INTS4: variants seen among roughly 807,000 people sequenced by gnomAD.
The protein encoded by INTS4 is MSTP093.
Under a neutral mutation model 119.5 loss-of-function variants are expected in INTS4, and 70 were observed. The ratio of observed to expected loss-of-function variants is 0.59; its 90% CI spans 0.48 to 0.71. The LOEUF is 0.71. INTS4 is among the 30% of genes least tolerant of loss of function. The pLI, the probability that INTS4 is intolerant of heterozygous loss-of-function variation, is 0.00. For synonymous variants in INTS4, 316 were observed against 419.6 expected, an observed-to-expected ratio of 0.75 and a Z score of 3.02; for missense variants, 867 against 1,173.2, an observed-to-expected ratio of 0.74 and a Z score of 3.81.
At chr11:77,914,664 CT>C in intron 15 of INTS4, among the ~76,000 whole-genome samples, 1 of 152,254 alleles carries the variant, frequency 6.6e-6, no homozygotes, top group South Asian at 2.1e-4. Context: ...CTACTCAACT[CT>C]GTGATTGTAG....
At position 77,988,314 on chromosome 11, in the gene INTS4, G is replaced by A. The variant is rs776106296; in HGVS notation, c.246+2794C>T. ...CCGTCCAGTGCCCAGAACAAAGTCT[G>A]ATATATATTTGTTGAGTAAAATGTA... On this transcript the variant is annotated intron_variant, in intron 2 of 22. Transcript: ENST00000534064. Among the ~76,000 whole-genome samples the A allele has an allele frequency of 2.6e-5, 4 of 152,286 alleles. No individual in the cohort carries two copies. In the South Asian group the frequency reaches 8.3e-4, roughly 32 times the overall value.
intron 11 of INTS4, among the ~76,000 whole-genome samples, chr11:77,926,712 T>G (rs1157385020): frequency 6.6e-6 from 1 of 150,718 alleles, no homozygotes; most frequent in Non-Finnish European, 1.5e-5. Context: ...CTCGGGAGAC[T>G]GAGGCAGGAG....
chr11:77,960,302 T>C (rs1263001080), intron 6 of INTS4, 39 bp downstream of exon 6: 4 of 1,477,026 alleles, frequency 2.7e-6, no homozygotes, highest in South Asian at 2.4e-5. Context: ...AGCTTCATGA[T>C]ACCTCCAACC....
At chr11:77,981,955 C>T (rs1298331942) in intron 2 of INTS4, among the ~76,000 whole-genome samples, 3 of 151,842 alleles carry the variant, frequency 2.0e-5, no homozygotes, top group Non-Finnish European at 2.9e-5. Flanking sequence ...AAAAAACGTG[C>T]CACTGGCATT....
At chr11:77,926,391 T>A (rs988007029) in intron 11 of INTS4, among the ~76,000 whole-genome samples, 1 of 152,204 alleles carries the variant, frequency 6.6e-6, no homozygotes, top group African/African-American at 2.4e-5. Context: ...TACTCACAAA[T>A]AAGCATACCT....
chr11:77,902,379 T>C (rs1037226301), intron 17 of INTS4, among the ~76,000 whole-genome samples: 3 of 152,226 alleles, frequency 2.0e-5, no homozygotes, highest in Non-Finnish European at 1.5e-5. Flanking sequence ...CCTTCCAATG[T>C]GGCTCAATTA....
At chr11:77,970,005 T>C (rs1855657524) in intron 4 of INTS4, among the ~76,000 whole-genome samples, 1 of 152,218 alleles carries the variant, frequency 6.6e-6, no homozygotes, top group African/African-American at 2.4e-5. Context: ...TTCTTTTTAA[T>C]GGGCAAATAA....
chr11:77,980,867 C>T (rs1856178286), intron 3 of INTS4, among the ~76,000 whole-genome samples: 2 of 152,158 alleles, frequency 1.3e-5, no homozygotes, highest in South Asian at 4.2e-4. Context: ...GTGGCAGGCA[C>T]CTGTAGTCCC....
intron 2 of INTS4, among the ~76,000 whole-genome samples, chr11:77,989,688 G>A (rs1350846451): frequency 1.1e-4 from 16 of 147,950 alleles, no homozygotes; most frequent in African/African-American, 4.0e-4. Context: ...CCAGGAATTC[G>A]AGATCAGCCT....
intron 15 of INTS4, among the ~76,000 whole-genome samples, chr11:77,914,588 T>C (rs1304902634): frequency 6.6e-6 from 1 of 152,072 alleles, no homozygotes. Context: ...GGTCAGCAAA[T>C]TTTTTCTGTA....
intron 21 of INTS4, among the ~76,000 whole-genome samples, chr11:77,890,588 C>A (rs1338873808): frequency 6.6e-6 from 1 of 152,110 alleles, no homozygotes; most frequent in Non-Finnish European, 1.5e-5. Context: ...CTGTGCATGT[C>A]TACTCACCAA....
At chr11:77,927,967 T>G (rs1368005628) in intron 11 of INTS4, among the ~76,000 whole-genome samples, 4 of 152,116 alleles carry the variant, frequency 2.6e-5, no homozygotes, top group Non-Finnish European at 5.9e-5. Flanking sequence ...TTAAAAAAGA[T>G]GCACTTCAGC....
intron 4 of INTS4, among the ~76,000 whole-genome samples, chr11:77,970,484 T>C (rs1369489990): frequency 6.6e-6 from 1 of 152,002 alleles, no homozygotes. Context: ...CTGGGTCCTA[T>C]GGTAAGGCTA....
At chr11:77,943,524 G>A (rs1309510387) in intron 8 of INTS4, among the ~76,000 whole-genome samples, 3 of 152,102 alleles carry the variant, frequency 2.0e-5, no homozygotes, top group South Asian at 2.1e-4. Context: ...CATCATTTAC[G>A]AAAACATAGA....
intron 15 of INTS4, among the ~76,000 whole-genome samples, chr11:77,912,090 G>A (rs1336098695): frequency 7.9e-5 from 12 of 152,064 alleles, no homozygotes; most frequent in South Asian, 2.1e-4. Flanking sequence ...GGCTAGGCGC[G>A]GTGGCTCACA....
chr11:77,948,371 G>A (rs2136545384), intron 8 of INTS4, among the ~76,000 whole-genome samples: 1 of 152,264 alleles, frequency 6.6e-6, no homozygotes, highest in East Asian at 1.9e-4. Flanking sequence ...ATATAGCTGG[G>A]CGCGGTGGCT....
At chr11:77,918,716 C>T in intron 15 of INTS4, 105 bp downstream of exon 15, 1 of 1,487,892 alleles carries the variant, frequency 6.7e-7, no homozygotes, top group Non-Finnish European at 9.0e-7. Context: ...GAATGTAGAC[C>T]AATAAAGTCA....
intron 14 of INTS4, among the ~76,000 whole-genome samples, chr11:77,920,566 A>G (rs1240277955): frequency 2.0e-5 from 3 of 152,042 alleles, no homozygotes; most frequent in African/African-American, 7.2e-5. Flanking sequence ...AAATATAACA[A>G]TTTAGGCTGG....
intron 15 of INTS4, among the ~76,000 whole-genome samples, chr11:77,909,096 C>T (rs1490567872): frequency 2.6e-5 from 4 of 152,214 alleles, no homozygotes; most frequent in Admixed American, 6.5e-5. Context: ...GTCTGTCTCT[C>T]GCCGGACTGG....
Sources: allele counts gnomAD v4.1 joint callset (sites outside exome capture counted in the v4.1 genomes callset), GRCh38; gene constraint gnomAD v4.1.1; transcripts MANE v1.5; gene names NCBI Gene and HGNC (gene_info 2026-07-23, HGNC 2026-07-21).